Variants in TBKBP1 observed in about 807,000 individuals in gnomAD.
TBKBP1 encodes TBK1 binding protein 1, also known as TANK-binding kinase 1-binding protein 1.
In TBKBP1, 47 loss-of-function variants were observed where a neutral mutation model predicts 69.9. The observed-to-expected ratio is 0.67, with a 90% CI of 0.53 to 0.86. The LOEUF is 0.86. Among genes scored for constraint, TBKBP1 ranks in the 40% least tolerant of loss-of-function variants. The probability of loss-of-function intolerance (pLI) is 0.00; values close to 1 mark genes in which losing one functional copy is unlikely to be tolerated. For synonymous variants in TBKBP1, 418 were observed against 390.3 expected, an observed-to-expected ratio of 1.07 and a Z score of -0.84; for missense variants, 831 against 858.6, an observed-to-expected ratio of 0.97 and a Z score of 0.40.
chr17:47,709,564 T>C, intron 9 of TBKBP1, 112 bp downstream of exon 9: 2 of 1,360,550 alleles, frequency 1.5e-6, no homozygotes, highest in Non-Finnish European at 1.9e-6. Flanking sequence ...GCGCACAAAC[T>C]ATTCACCCTC....
chr17:47,702,329 G>A (rs2143303544), intron 7 of TBKBP1, among the ~76,000 whole-genome samples: 1 of 152,244 alleles, frequency 6.6e-6, no homozygotes, highest in South Asian at 2.1e-4. Context: ...TGATTGGGGT[G>A]AGGAGGACCA....
chr17:47,704,698 A>G (rs187897440), intron 7 of TBKBP1, among the ~76,000 whole-genome samples: 4 of 152,230 alleles, frequency 2.6e-5, no homozygotes, highest in East Asian at 1.9e-4. Context: ...CCTGACCTTC[A>G]GCTCTGTCCA....
rs2143348439 is a variant in TBKBP1, at chr17:47,708,289, G to A, written c.873-105G>A. The A allele has an allele frequency of 8.3e-7, 1 of 1,208,784 alleles. No individual in the cohort carries two copies. 74.9% of individuals were successfully genotyped at this position (1,208,784 alleles called of 1,614,324 possible). The stretch of plus-strand genomic sequence containing the variant: ...GGTAGGAGGGCCCTGCGGGTGGGAG[G>A]GAGCATGGTGGGGCCAGATGCTGGG... On this transcript the variant is annotated intron_variant, in intron 7 of 9. Transcript: ENST00000578982. The surrounding 1 kb of genome is among the most constrained non-coding windows in gnomAD (Gnocchi z 4.4).
rs568378445 is a variant in TBKBP1, at chr17:47,698,038, C to T, written c.454-557C>T. 2.9e-4 allele frequency among the ~76,000 whole-genome samples: 44 copies of T among 151,778 alleles called. No homozygotes were observed. In the South Asian group the frequency reaches 9.2e-3, roughly 32 times the overall value. On this transcript the variant is annotated intron_variant, in intron 4 of 9. Coordinates refer to ENST00000578982, the MANE Select transcript of TBKBP1 (RefSeq NM_001394755.1). ...CTCAGTTAAGTCACTTAGCCTCCAT[C>T]CCTCCTCTGAAAAGTGGGGCAAATA... is the stretch of plus-strand genomic sequence containing the variant.
intron 7 of TBKBP1, among the ~76,000 whole-genome samples, chr17:47,704,279 G>C (rs904990855): frequency 6.6e-6 from 1 of 152,232 alleles, no homozygotes; most frequent in Non-Finnish European, 1.5e-5. Context: ...GACCCCACCA[G>C]TCATAGCTGG....
intron 7 of TBKBP1, among the ~76,000 whole-genome samples, chr17:47,702,457 C>T (rs2031542977): frequency 6.6e-6 from 1 of 152,070 alleles, no homozygotes; most frequent in South Asian, 2.1e-4. Context: ...GGTCTAGACA[C>T]CTCCGGGGCA....
Position 47,696,777 on chromosome 17 carries a change from C to T in TBKBP1, c.292C>T (p.Leu98=), listed in dbSNP as rs1211662898. ...TCTGTATGAAATCAAGGATGGCTCC[C>T]TGCTGGAGGTGGAGAAGGTCAGCCT... ...FSLYEIKDGS[L]LEVEKVSLQQ... The change falls in exon 3 of 10, where the codon CTG becomes TTG. Residue 98 remains leucine, a synonymous_variant. Coordinates refer to ENST00000578982, the MANE Select transcript of TBKBP1 (RefSeq NM_001394755.1). 23 of 1,613,840 alleles carry T rather than the reference C, an allele frequency of 1.4e-5. No individual in the cohort carries two copies. The highest frequency in any genetic ancestry group is 1.7e-5 in the Non-Finnish European group (20 of 1,179,850).
chr17:47,706,088 G>A (rs2031685927), intron 7 of TBKBP1, among the ~76,000 whole-genome samples: 1 of 152,200 alleles, frequency 6.6e-6, no homozygotes, highest in East Asian at 1.9e-4. Flanking sequence ...TGGGAACTGA[G>A]TGTGGCAGGT....
chr17:47,709,433 A>G lies in TBKBP1; in HGVS notation c.1700A>G (p.Gln567Arg). The G allele has an allele frequency of 6.5e-7, 1 of 1,536,474 alleles. No homozygotes were observed. Among genetic ancestry groups the G allele is most frequent in the Non-Finnish European group, 8.7e-7 (1 of 1,149,808 alleles). The change falls in exon 9 of 10, where the codon CAG becomes CGG. Residue 567 changes from glutamine (Q) to arginine (R), a missense_variant. Transcript: ENST00000578982. ...ATAYAHAEHA[Q>R]SWPSINLLME... ...GCCTACGCCCACGCCGAGCACGCGC[A>G]GTCCTGGCCGTCCATCAACGTGAGT... is the stretch of plus-strand genomic sequence containing the variant.
chr17:47,702,603 C>A (rs1317404268), intron 7 of TBKBP1, among the ~76,000 whole-genome samples: 1 of 152,046 alleles, frequency 6.6e-6, no homozygotes, highest in Non-Finnish European at 1.5e-5. Flanking sequence ...CAAGTTCTGG[C>A]CATTAACGTT....
chr17:47,703,152 T>C (rs547579747), intron 7 of TBKBP1, among the ~76,000 whole-genome samples: 1 of 152,144 alleles, frequency 6.6e-6, no homozygotes, highest in African/African-American at 2.4e-5. Flanking sequence ...CCTTTCTTTC[T>C]TCCCAACGTT....
At chr17:47,697,966 A>AT (rs1478938713) in intron 4 of TBKBP1, among the ~76,000 whole-genome samples, 354 of 151,144 alleles carry the variant, frequency 2.3e-3, no homozygotes, top group African/African-American at 8.0e-3. Context: ...AAAAAAAAAA[A>AT]AAAAAAAAAT....
intron 9 of TBKBP1, 147 bp downstream of exon 9, chr17:47,709,599 G>A (rs554774896): frequency 8.9e-6 from 11 of 1,235,696 alleles, no homozygotes; most frequent in Non-Finnish European, 1.2e-5. Context: ...CACAGTCTAG[G>A]TCCTTTCACC....
intron 9 of TBKBP1, among the ~76,000 whole-genome samples, chr17:47,709,957 AACACAG>A (rs1471668781): frequency 1.3e-5 from 2 of 152,230 alleles, no homozygotes; most frequent in African/African-American, 4.8e-5. Context: ...GCCACCAGCC[AACACAG>A]GAACAGGCCT....
chr17:47,703,401 C>T (rs2031587020), intron 7 of TBKBP1, among the ~76,000 whole-genome samples: 1 of 152,206 alleles, frequency 6.6e-6, no homozygotes, highest in Non-Finnish European at 1.5e-5. Context: ...GGCCCAGGGC[C>T]TCCCCCTTCA....
At position 47,698,624 on chromosome 17, in the gene TBKBP1, G is replaced by T. The variant is rs752995500; in HGVS notation, c.483G>T (p.Gln161His). ...MRALVETHLR[Q>H]ICGLEQQLRQ... ...CCCTGGTGGAGACGCACCTGCGTCA[G>T]ATCTGTGGTTTGGAGCAGCAGCTGC... Residue 161 changes from glutamine (Q) to histidine (H), a missense_variant, in exon 5 of 10, where the codon CAG (glutamine) becomes CAT (histidine). Gln to His is a conservative substitution (Grantham distance 24). Coordinates refer to ENST00000578982, the MANE Select transcript of TBKBP1 (RefSeq NM_001394755.1). 2 of 1,599,636 alleles carry T rather than the reference G, an allele frequency of 1.3e-6. No individual in the cohort carries two copies.
At position 47,696,382 on chromosome 17, in the gene TBKBP1, G is replaced by C. The variant is rs569480425; in HGVS notation, c.225+45G>C. ...GGCGCCTGATAGAGTGTATGGGATG[G>C]GGAGGGGGACTGGGAATCTGGTAGA... is the stretch of plus-strand genomic sequence containing the variant. On this transcript the variant is annotated intron_variant, in intron 2 of 9. Transcript: ENST00000578982. 1.9e-5 allele frequency: 30 copies of C among 1,586,264 alleles called. No individual in the cohort carries two copies. The East Asian group carries it at 6.5e-4, about 34-fold the overall frequency.
At chr17:47,700,380 G>C (rs1452768449) in intron 7 of TBKBP1, among the ~76,000 whole-genome samples, 1 of 147,584 alleles carries the variant, frequency 6.8e-6, no homozygotes, top group Non-Finnish European at 1.5e-5. Flanking sequence ...CTGGGAGGTG[G>C]GGTTCTTGAG....
Position 47,709,085 on chromosome 17 carries a change from A to T in TBKBP1, c.1352A>T (p.His451Leu), listed in dbSNP as rs1485508176. Residue 451 changes from histidine to leucine, a missense_variant, in exon 9 of 10, where the codon CAC becomes CTC. Physicochemically the swap from His to Leu is moderately conservative, Grantham distance 99. Transcript: ENST00000578982. ...ERAYAKPPSH[H>L]VKAGFQGRRS... is the part of the protein sequence containing the mutation. ...GCCTACGCCAAGCCGCCCAGCCACCACGTGAAGGCCGGCTTCCAGGGCCGC... is the reference window on the plus strand; with the variant it reads ...GCCTACGCCAAGCCGCCCAGCCACCTCGTGAAGGCCGGCTTCCAGGGCCGC... The T allele has an allele frequency of 7.4e-7, 1 of 1,358,586 alleles. No individual in the cohort carries two copies. Among genetic ancestry groups the T allele is most frequent in the Non-Finnish European group, 9.4e-7 (1 of 1,060,640 alleles). The allele number at this position is 1,358,586 out of a possible 1,614,324, so 84.2% of individuals were successfully genotyped here.
Sources: gnomAD v4.1 joint callset for allele counts (sites outside exome capture counted in the v4.1 genomes callset) on GRCh38, gnomAD v4.1.1 for gene constraint, Gnocchi (gnomAD v3.1) non-coding constraint, MANE v1.5 for transcripts, NCBI Gene and HGNC (gene_info 2026-07-23, HGNC 2026-07-21) for gene names.